RNF180: variants seen among roughly 807,000 people sequenced by gnomAD.
The protein encoded by RNF180 is ring finger protein 180, also known as E3 ubiquitin-protein ligase RNF180.
Under a neutral mutation model 59.2 loss-of-function variants are expected in RNF180, and 38 were observed. The ratio of observed to expected loss-of-function variants is 0.64; its 90% CI spans 0.50 to 0.84. RNF180 has a LOEUF of 0.84. RNF180 is among the 40% of genes least tolerant of loss of function. RNF180 has a pLI of 0.00. For synonymous variants in RNF180, 262 were observed against 240.3 expected, an observed-to-expected ratio of 1.09 and a Z score of -0.84; for missense variants, 705 against 700.9, an observed-to-expected ratio of 1.01 and a Z score of -0.07.
chr5:64,259,882 T>C (rs536762631), intron 5 of RNF180, among the ~76,000 whole-genome samples: 2 of 152,102 alleles, frequency 1.3e-5, no homozygotes, highest in African/African-American at 4.8e-5. Flanking sequence ...GATCACGCCA[T>C]TGAACTCCAC....
chr5:64,273,256 C>G (rs1431812002), intron 5 of RNF180, among the ~76,000 whole-genome samples: 1 of 151,850 alleles, frequency 6.6e-6, no homozygotes, highest in Non-Finnish European at 1.5e-5. Context: ...GGGGAATTGC[C>G]CACCCTTTTC....
At chr5:64,185,240 C>CA (rs1247165443) in intron 1 of RNF180, among the ~76,000 whole-genome samples, 1 of 152,138 alleles carries the variant, frequency 6.6e-6, no homozygotes, top group Non-Finnish European at 1.5e-5. Context: ...ATTCCTGTAG[C>CA]AGCATTTTTC....
intron 5 of RNF180, among the ~76,000 whole-genome samples, chr5:64,256,029 C>T (rs1743927412): frequency 6.6e-6 from 1 of 152,204 alleles, no homozygotes; most frequent in South Asian, 2.1e-4. Flanking sequence ...TATCCTTCGC[C>T]CACTTGTTGA....
chr5:64,176,116 A>T (rs1320838215), intron 1 of RNF180, among the ~76,000 whole-genome samples: 1 of 152,108 alleles, frequency 6.6e-6, no homozygotes, highest in Non-Finnish European at 1.5e-5. Context: ...CTTTACTTTG[A>T]TGTGAGACTT....
At chr5:64,322,049 A>G (rs1744379433) in intron 5 of RNF180, among the ~76,000 whole-genome samples, 1 of 152,236 alleles carries the variant, frequency 6.6e-6, no homozygotes. Context: ...CAAAACCACA[A>G]AAACCCTAGA....
At chr5:64,317,171 C>T (rs928204283) in intron 5 of RNF180, among the ~76,000 whole-genome samples, 1 of 152,108 alleles carries the variant, frequency 6.6e-6, no homozygotes, top group Non-Finnish European at 1.5e-5. Context: ...TGTACACACA[C>T]ATATACAGGC....
intron 1 of RNF180, among the ~76,000 whole-genome samples, chr5:64,192,547 CT>C (rs1751211854): frequency 6.6e-6 from 1 of 151,990 alleles, no homozygotes; most frequent in Non-Finnish European, 1.5e-5. Flanking sequence ...TGGCGCGTGC[CT>C]GTAATCCCAG....
chr5:64,262,357 C>T (rs189045945), intron 5 of RNF180, among the ~76,000 whole-genome samples: 1 of 152,248 alleles, frequency 6.6e-6, no homozygotes, highest in East Asian at 1.9e-4. Flanking sequence ...TGTGTGTCAT[C>T]TATGCACTGG....
At chr5:64,215,793 A>C (rs543590265) in intron 4 of RNF180, among the ~76,000 whole-genome samples, 2 of 152,292 alleles carry the variant, frequency 1.3e-5, no homozygotes, top group South Asian at 4.1e-4. Flanking sequence ...TAAAATCTGT[A>C]GCAAATAGAA....
chr5:64,255,548 C>A (rs1033137841), intron 5 of RNF180, among the ~76,000 whole-genome samples: 27 of 152,300 alleles, frequency 1.8e-4, no homozygotes, highest in African/African-American at 6.5e-4. Context: ...TTTATGGCTG[C>A]ATAGTATTCC....
intron 5 of RNF180, among the ~76,000 whole-genome samples, chr5:64,263,599 C>T (rs949529458): frequency 6.6e-6 from 1 of 152,104 alleles, no homozygotes; most frequent in Admixed American, 6.6e-5. Flanking sequence ...ATGTAAAATA[C>T]TTGTTTCCTC....
At chr5:64,248,631 AAT>A (rs1416159107) in intron 5 of RNF180, among the ~76,000 whole-genome samples, 2 of 152,204 alleles carry the variant, frequency 1.3e-5, no homozygotes, top group African/African-American at 4.8e-5. Context: ...GTTGTGGAGA[AAT>A]AGGAATGCCT....
intron 5 of RNF180, among the ~76,000 whole-genome samples, chr5:64,237,740 T>G (rs1742529961): frequency 6.6e-6 from 1 of 152,104 alleles, no homozygotes; most frequent in Non-Finnish European, 1.5e-5. Context: ...GGGGGTGGAT[T>G]TCTCCCTCAC....
At chr5:64,301,955 A>G (rs776763876) in intron 5 of RNF180, among the ~76,000 whole-genome samples, 1 of 151,668 alleles carries the variant, frequency 6.6e-6, no homozygotes, top group African/African-American at 2.4e-5. Context: ...ACAACTTAAC[A>G]CATATACACT....
intron 7 of RNF180, among the ~76,000 whole-genome samples, chr5:64,334,783 C>T (rs1324463542): frequency 6.6e-6 from 1 of 152,100 alleles, no homozygotes; most frequent in Non-Finnish European, 1.5e-5. Context: ...TGAAAATGCC[C>T]CAACCCAACT....
intron 5 of RNF180, among the ~76,000 whole-genome samples, chr5:64,307,187 A>G (rs1306025584): frequency 6.7e-6 from 1 of 149,712 alleles, no homozygotes; most frequent in Non-Finnish European, 1.5e-5. Flanking sequence ...CTAGTATAAG[A>G]CAAGCCCCCA....
intron 5 of RNF180, among the ~76,000 whole-genome samples, chr5:64,291,101 G>A (rs1413766958): frequency 6.6e-6 from 1 of 152,024 alleles, no homozygotes. Context: ...TCTTAGTTTG[G>A]CCAGATATGG....
At chr5:64,237,559 G>A (rs1742516922) in intron 5 of RNF180, among the ~76,000 whole-genome samples, 1 of 152,056 alleles carries the variant, frequency 6.6e-6, no homozygotes, top group Non-Finnish European at 1.5e-5. Flanking sequence ...TAAGACTTTG[G>A]GGGATGGCTG....
intron 5 of RNF180, among the ~76,000 whole-genome samples, chr5:64,313,018 A>G (rs1262510112): frequency 6.6e-6 from 1 of 152,166 alleles, no homozygotes; most frequent in African/African-American, 2.4e-5. Flanking sequence ...GAAGTTTTTC[A>G]GACTTTGGGT....
Sources: gnomAD v4.1 joint callset for allele counts (sites outside exome capture counted in the v4.1 genomes callset) on GRCh38, gnomAD v4.1.1 for gene constraint, MANE v1.5 for transcripts, NCBI Gene and HGNC (gene_info 2026-07-23, HGNC 2026-07-21) for gene names.